Variants in KANSL1 observed in about 807,000 individuals in gnomAD.
KANSL1 encodes KAT8 regulatory NSL complex subunit 1, also known as MLL1/MLL complex subunit KANSL1.
In KANSL1, 22 loss-of-function variants were observed where a neutral mutation model predicts 103.6. The ratio of observed to expected loss-of-function variants is 0.21; its 90% confidence interval spans 0.15 to 0.30. The LOEUF (loss-of-function observed/expected upper bound fraction) is 0.30. Ranked by LOEUF, KANSL1 falls within the 10% of genes least tolerant of loss-of-function variation. The pLI, the probability that KANSL1 is intolerant of heterozygous loss-of-function variation, is 1.00. For synonymous variants in KANSL1, 600 were observed against 527.6 expected (o/e 1.14, Z -1.88); for missense variants, 1,337 against 1,399.8 (o/e 0.96, Z 0.72).
chr17:46,210,456 G>C (rs2048120446), intron 1 of KANSL1, among the ~76,000 whole-genome samples: 1 of 1,408 alleles, frequency 7.1e-4, no homozygotes, highest in Non-Finnish European at 1.1e-3. Flanking sequence ...CTGGGCAACA[G>C]AGTGAGACTC....
At chr17:46,204,923 A>G (rs552027624) in intron 1 of KANSL1, among the ~76,000 whole-genome samples, 1 of 152,364 alleles carries the variant, frequency 6.6e-6, no homozygotes, top group East Asian at 1.9e-4. Flanking sequence ...AACAAAGTAG[A>G]AATTGAAGAA....
chr17:46,161,701 A>G (rs1375286308), intron 2 of KANSL1, among the ~76,000 whole-genome samples: 1 of 152,174 alleles, frequency 6.6e-6, no homozygotes, highest in South Asian at 2.1e-4. Flanking sequence ...AAAACAACTT[A>G]TAAGAACATG....
chr17:46,036,456 C>T lies in KANSL1; in HGVS notation c.2541+2082G>A, dbSNP rs1368299233. Among the ~76,000 whole-genome samples the T allele has an allele frequency of 3.9e-5, 6 of 152,264 alleles. No individual in the cohort carries two copies. In the South Asian group the frequency reaches 8.3e-4, roughly 21 times the overall value. On this transcript the variant is annotated intron_variant, in intron 10 of 14. Transcript: ENST00000432791. ...AAATTGTGTCTGTACTGAAAAGGTA[C>T]AGATTTTTCTTTTCATTATTCTCTA... is the stretch of plus-strand genomic sequence containing the variant.
chr17:46,139,250 G>A (rs549203219), intron 2 of KANSL1, among the ~76,000 whole-genome samples: 1 of 151,046 alleles, frequency 6.6e-6, no homozygotes, highest in African/African-American at 2.4e-5. Context: ...ATCCTCACAG[G>A]GCATTTGACC....
chr17:46,224,163 ATTTAGT>A (rs2048613148), upstream of KANSL1, among the ~76,000 whole-genome samples: 1 of 152,276 alleles, frequency 6.6e-6, no homozygotes, highest in Non-Finnish European at 1.5e-5. Context: ...ATTTAATTAT[ATTTAGT>A]AAAGTAAAAC....
intron 2 of KANSL1, among the ~76,000 whole-genome samples, chr17:46,124,065 A>G (rs1393213321): frequency 6.6e-6 from 1 of 152,180 alleles, no homozygotes; most frequent in Admixed American, 6.5e-5. Flanking sequence ...GTGAAGGCCA[A>G]TGCTCCTTGA....
upstream of KANSL1, among the ~76,000 whole-genome samples, chr17:46,195,226 C>T (rs1314203238): frequency 6.6e-6 from 1 of 152,230 alleles, no homozygotes; most frequent in Non-Finnish European, 1.5e-5. Flanking sequence ...CCAAATAAGG[C>T]AAAGCCCTTT....
intron 2 of KANSL1, among the ~76,000 whole-genome samples, chr17:46,150,081 A>G (rs2147478321): frequency 6.6e-6 from 1 of 151,386 alleles, no homozygotes; most frequent in African/African-American, 2.4e-5. Flanking sequence ...AAAAAAAAAA[A>G]TAGAACTTAA....
chr17:46,121,484 T>C (rs1328817513), intron 2 of KANSL1: 1 of 152,382 alleles, frequency 6.6e-6, no homozygotes, highest in African/African-American at 2.4e-5. Flanking sequence ...CCACAAATGC[T>C]CACACAGCTG....
intron 1 of KANSL1, among the ~76,000 whole-genome samples, chr17:46,182,509 C>T (rs921873493): frequency 6.6e-6 from 1 of 152,198 alleles, no homozygotes; most frequent in African/African-American, 2.4e-5. Flanking sequence ...ATGTGTGTCA[C>T]CCACAAGACC....
At chr17:46,132,780 A>C (rs141475970) in intron 2 of KANSL1, among the ~76,000 whole-genome samples, 239 of 152,248 alleles carry the variant, frequency 1.6e-3, no homozygotes, top group Non-Finnish European at 1.6e-3. Context: ...CTGTCTCTGA[A>C]AAGAATACAA....
At chr17:46,210,624 A>T (rs1270539559) in intron 1 of KANSL1, among the ~76,000 whole-genome samples, 4 of 152,090 alleles carry the variant, frequency 2.6e-5, no homozygotes, top group Non-Finnish European at 4.4e-5. Context: ...AAGATTGAAA[A>T]TTTTTTTAGA....
intron 2 of KANSL1, among the ~76,000 whole-genome samples, chr17:46,140,180 TG>T (rs1159021794): frequency 6.6e-6 from 1 of 152,148 alleles, no homozygotes; most frequent in East Asian, 1.9e-4. Context: ...TGCAGATATC[TG>T]GAAAATAAAG....
At chr17:46,062,111 A>C (rs1251739693) in intron 6 of KANSL1, among the ~76,000 whole-genome samples, 4 of 29,182 alleles carry the variant, frequency 1.4e-4, no homozygotes, top group Non-Finnish European at 2.6e-4. Context: ...AAAAAAAAAC[A>C]AACAAACAAA....
chr17:46,170,067 A>G (rs1272609765), intron 2 of KANSL1, among the ~76,000 whole-genome samples: 1 of 152,188 alleles, frequency 6.6e-6, no homozygotes, highest in East Asian at 1.9e-4. Context: ...ACCTGAACCC[A>G]GGAGCCAGAG....
intron 2 of KANSL1, 101 bp downstream of exon 2, chr17:46,170,754 C>T (rs2046240405): frequency 2.3e-6 from 3 of 1,296,206 alleles, no homozygotes; most frequent in Non-Finnish European, 3.2e-6. Flanking sequence ...AACCTAGACA[C>T]CTATGTACAA....
chr17:46,049,240 C>CTTTTTTTTTTTTTTTTTTTT (rs34418861), intron 7 of KANSL1, among the ~76,000 whole-genome samples: 2 of 75,768 alleles, frequency 2.6e-5, no homozygotes, highest in Admixed American at 1.9e-4. Context: ...CATCCAAGAC[C>CTTTTTTTTTTTTTTTTTTTT]TTTTTTTTTT....
chr17:46,058,822 C>T (rs1440082935), intron 6 of KANSL1, among the ~76,000 whole-genome samples: 2 of 148,210 alleles, frequency 1.3e-5, no homozygotes, highest in East Asian at 4.0e-4. Context: ...GACATAATGA[C>T]AATATTGAAA....
intron 2 of KANSL1, among the ~76,000 whole-genome samples, chr17:46,165,041 A>AGACT (rs2045926538): frequency 6.6e-6 from 1 of 152,198 alleles, no homozygotes; most frequent in African/African-American, 2.4e-5. Context: ...TGGGAAGCAG[A>AGACT]GACTGCAATG....
Sources: allele counts gnomAD v4.1 joint callset (sites outside exome capture counted in the v4.1 genomes callset), GRCh38; gene constraint gnomAD v4.1.1; transcripts MANE v1.5; gene names NCBI Gene and HGNC (gene_info 2026-07-23, HGNC 2026-07-21).